Variants in TSHZ3 observed in about 807,000 individuals in gnomAD.
TSHZ3 encodes the protein teashirt zinc finger homeobox 3.
TSHZ3 carries 10 observed loss-of-function variants against 64.5 expected under a neutral mutation model. The ratio of observed to expected loss-of-function variants is 0.16; its 90% CI spans 0.10 to 0.26. TSHZ3 has a LOEUF of 0.26. Ranked by LOEUF, TSHZ3 falls within the 10% of genes least tolerant of loss-of-function variation. The probability of loss-of-function intolerance (pLI) is 1.00; values close to 1 mark genes in which losing one functional copy is unlikely to be tolerated. For missense variants in TSHZ3, 1,242 were observed against 1,421.7 expected (o/e 0.87, Z 2.03); for synonymous variants, 608 against 593.1 (o/e 1.03, Z -0.36).
At chr19:31,309,308 G>A (rs73927344) in intron 1 of TSHZ3, among the ~76,000 whole-genome samples, 3,797 of 152,274 alleles carry the variant, frequency 0.025, 148 homozygotes, top group African/African-American at 0.08. Flanking sequence ...GAAAGAGAGA[G>A]AGGGAGTAGA....
At chr19:31,262,957 A>T (rs925644469) in intron 1 of TSHZ3, among the ~76,000 whole-genome samples, 12 of 152,244 alleles carry the variant, frequency 7.9e-5, no homozygotes, top group African/African-American at 2.9e-4. Flanking sequence ...GAGAGCGCTG[A>T]CTGCCAGGCA....
At chr19:31,178,795 C>T (rs1458760836) in intron 5 of TSHZ3, among the ~76,000 whole-genome samples, 1 of 152,184 alleles carries the variant, frequency 6.6e-6, no homozygotes, top group East Asian at 1.9e-4. Context: ...AGGCTGTCAT[C>T]TGGACCTTGG....
intron 1 of TSHZ3, among the ~76,000 whole-genome samples, chr19:31,319,884 C>T (rs1420920810): frequency 1.6e-5 from 2 of 123,426 alleles, no homozygotes; most frequent in Non-Finnish European, 1.7e-5. Flanking sequence ...GATGCAGCCC[C>T]CCTGAGAAAG....
chr19:31,180,053 G>A (rs747221782), intron 5 of TSHZ3, among the ~76,000 whole-genome samples: 1 of 152,080 alleles, frequency 6.6e-6, no homozygotes, highest in Non-Finnish European at 1.5e-5. Flanking sequence ...AATTGGTAAA[G>A]CCCCTGGTCC....
chr19:31,235,560 G>A (rs1374123934), intron 3 of TSHZ3, among the ~76,000 whole-genome samples: 1 of 151,720 alleles, frequency 6.6e-6, no homozygotes, highest in Non-Finnish European at 1.5e-5. Flanking sequence ...GTGTGTGTGT[G>A]TATCACATTT....
chr19:31,255,683 G>C (rs1255813673), intron 1 of TSHZ3, among the ~76,000 whole-genome samples: 1 of 152,180 alleles, frequency 6.6e-6, no homozygotes, highest in Non-Finnish European at 1.5e-5. Context: ...GGCAGGGTCA[G>C]CTTGCCCTAA....
chr19:31,195,852 TTA>T (rs1478781042), intron 5 of TSHZ3: 1 of 152,006 alleles, frequency 6.6e-6, no homozygotes, highest in African/African-American at 2.4e-5. Flanking sequence ...ATCAATATAG[TTA>T]TGTGTCTCTT....
In TSHZ3 at chr19:31,226,918, G is replaced by T. The variant is rs1431824113; in HGVS notation, n.686+1087C>A. Among the ~76,000 whole-genome samples, 80 of 149,096 alleles carry T rather than the reference G, an allele frequency of 5.4e-4. 2 individuals are homozygous for T. The highest frequency in any genetic ancestry group is 4.5e-5 in the Non-Finnish European group (3 of 67,336). On this transcript the variant is annotated intron_variant and non_coding_transcript_variant, in intron 4 of 6. Transcript: ENST00000651361. ...CTTATTTTCATTTTTTGCTTTTAGAGAACTATCCCTTGCAGATACTTTTTC... is the reference window on the plus strand; with the variant it reads ...CTTATTTTCATTTTTTGCTTTTAGATAACTATCCCTTGCAGATACTTTTTC...
Position 31,314,204 on chromosome 19 carries a change from T to C in TSHZ3, c.41-34452A>G, listed in dbSNP as rs190829038. 1.2e-3 allele frequency among the ~76,000 whole-genome samples: 185 copies of C among 152,348 alleles called. 1 individual carries two copies. In the East Asian group the frequency reaches 0.027, roughly 22 times the overall value. On this transcript the variant is annotated intron_variant, in intron 1 of 1. Coordinates refer to ENST00000240587, the MANE Select transcript of TSHZ3 (RefSeq NM_020856.4). Reference sequence around the variant, plus strand: ...CTTCTAAGGCCAGGACTAGAGGCCTTCTTTCCCTACAGTCTGCACGAGAGA... The same window carrying C: ...CTTCTAAGGCCAGGACTAGAGGCCTCCTTTCCCTACAGTCTGCACGAGAGA...
rs780486345 is a variant in TSHZ3, at chr19:31,279,742, G to A, written c.51C>T (p.Ser17=). The change falls in exon 2 of 2, where the codon TCC becomes TCT. Residue 17 remains serine, a synonymous_variant. Coordinates refer to ENST00000240587, the MANE Select transcript of TSHZ3 (RefSeq NM_020856.4). This position sits in a 1 kb window ranked among gnomAD's most constrained non-coding sequence, Gnocchi z 6.4. The part of the protein sequence containing the change: ...QAPRRAAAYV[S]EELKAAALVD... ...CCAGGGCAGCAGCCTTTAACTCTTC[G>A]GAAACATAGGCTGCCATGATAACAG... The A allele has an allele frequency of 4.3e-5, 64 of 1,494,478 alleles. 1 individual carries two copies. The highest frequency in any genetic ancestry group is 9.3e-5 in the Admixed American group (4 of 43,016). The allele number at this position is 1,494,478 out of a possible 1,614,324, so 92.6% of individuals were successfully genotyped here.
chr19:31,316,609 G>A (rs959050833), intron 1 of TSHZ3, among the ~76,000 whole-genome samples: 1 of 152,140 alleles, frequency 6.6e-6, no homozygotes, highest in African/African-American at 2.4e-5. Context: ...CCGCTGTGTC[G>A]TGTACTAAAA....
intron 1 of TSHZ3, among the ~76,000 whole-genome samples, chr19:31,299,238 C>T (rs940820418): frequency 6.6e-5 from 10 of 152,218 alleles, no homozygotes; most frequent in Middle Eastern, 3.4e-3. Flanking sequence ...TCTCTCTGAC[C>T]GGAAAGGACA....
chr19:31,229,813 G>A (rs1303202995), intron 3 of TSHZ3, among the ~76,000 whole-genome samples: 1 of 152,172 alleles, frequency 6.6e-6, no homozygotes, highest in African/African-American at 2.4e-5. Flanking sequence ...TATGAAAAAT[G>A]TTTAACTTTG....
intron 1 of TSHZ3, chr19:31,305,807 T>A (rs1916275340): frequency 6.6e-6 from 1 of 152,222 alleles, no homozygotes; most frequent in African/African-American, 2.4e-5. Flanking sequence ...AATAACTGTT[T>A]CTGATACTTC....
At chr19:31,329,162 TG>T (rs1233773832) in intron 1 of TSHZ3, among the ~76,000 whole-genome samples, 1 of 152,162 alleles carries the variant, frequency 6.6e-6, no homozygotes, top group African/African-American at 2.4e-5. Flanking sequence ...ATATGGAAAA[TG>T]TGAAGTTGAA....
chr19:31,220,202 T>C (rs756696767), intron 4 of TSHZ3, among the ~76,000 whole-genome samples: 2 of 152,214 alleles, frequency 1.3e-5, no homozygotes, highest in Non-Finnish European at 2.9e-5. Context: ...AACTGATTAC[T>C]GAAGTGAGAA....
intron 5 of TSHZ3, among the ~76,000 whole-genome samples, chr19:31,177,227 G>A (rs1974623629): frequency 6.6e-6 from 1 of 152,180 alleles, no homozygotes; most frequent in Admixed American, 6.5e-5. Flanking sequence ...GTGGGTTACT[G>A]TAGGCATGCT....
At chr19:31,341,781 C>T (rs531923833) in intron 1 of TSHZ3, among the ~76,000 whole-genome samples, 3 of 152,280 alleles carry the variant, frequency 2.0e-5, no homozygotes, top group Non-Finnish European at 4.4e-5. Context: ...CCACATTCTT[C>T]CCTGGTTCCA....
At chr19:31,316,815 C>T (rs146508772) in intron 1 of TSHZ3, among the ~76,000 whole-genome samples, 1 of 152,036 alleles carries the variant, frequency 6.6e-6, no homozygotes, top group Non-Finnish European at 1.5e-5. Context: ...CAGAAGCCAA[C>T]CCCCGCCCCA....
Sources: gnomAD v4.1 joint callset for allele counts (sites outside exome capture counted in the v4.1 genomes callset) on GRCh38, gnomAD v4.1.1 for gene constraint, Gnocchi (gnomAD v3.1) non-coding constraint, MANE v1.5 for transcripts, NCBI Gene and HGNC (gene_info 2026-07-23, HGNC 2026-07-21) for gene names.